The following SMG9 variants were observed in gnomAD, a reference collection of about 807,000 sequenced individuals.
SMG9 encodes the protein nonsense-mediated mRNA decay factor SMG9.
A neutral mutation model predicts 64.0 loss-of-function variants in SMG9; 55 were observed. The ratio of observed to expected loss-of-function variants is 0.86; its 90% confidence interval spans 0.69 to 1.08. The LOEUF (loss-of-function observed/expected upper bound fraction) is 1.08, where lower values mean the gene tolerates loss of function less well. SMG9 is among the 50% of genes least tolerant of loss of function. SMG9 has a pLI of 0.00. For synonymous variants in SMG9, 244 were observed against 254.8 expected (o/e 0.96, Z 0.41); for missense variants, 554 against 681.3 (o/e 0.81, Z 2.08).
intron 1 of SMG9, among the ~76,000 whole-genome samples, chr19:43,751,423 C>T (rs967077503): frequency 3.3e-5 from 5 of 152,252 alleles, no homozygotes; most frequent in African/African-American, 9.6e-5. Context: ...AGGCGTGAGC[C>T]ACCATGCCCG....
chr19:43,732,152 G>C (rs1968507445), intron 13 of SMG9: 1 of 162,350 alleles, frequency 6.2e-6, no homozygotes, highest in Non-Finnish European at 1.3e-5. Context: ...GGGGCTTCCT[G>C]CTGCTTTGTC....
At chr19:43,750,472 A>G in intron 2 of SMG9, 120 bp downstream of exon 2, 1 of 1,157,814 alleles carries the variant, frequency 8.6e-7, no homozygotes, top group South Asian at 1.5e-5. Context: ...TTCTTTATCC[A>G]TGAGGGTGGT....
rs947710868 is a variant in SMG9 at position 43,730,944 on chromosome 19, A to G, written c.*652T>C. The G allele has an allele frequency of 1.2e-5, 2 of 172,480 alleles. No homozygotes were observed. Among genetic ancestry groups the G allele is most frequent in the Non-Finnish European group, 2.3e-5 (2 of 86,556 alleles). 10.7% of individuals were successfully genotyped at this position (172,480 alleles called of 1,614,324 possible). On this transcript the variant is annotated 3_prime_UTR_variant, in exon 14 of 14. Transcript: ENST00000270066. ...AAGTGAGAGCAGAAGACACGAGGGT[A>G]GTTGCTGTACTCAGCTGCACCAGTG... is the stretch of plus-strand genomic sequence containing the variant.
In SMG9 at chr19:43,734,715, G is replaced by T. The variant is rs2146363238; in HGVS notation, c.996-220C>A. 9.4e-6 allele frequency: 4 copies of T among 427,734 alleles called. No individual in the cohort carries two copies. In the South Asian group the frequency reaches 1.9e-4, roughly 21 times the overall value. The allele number at this position is 427,734 out of a possible 1,614,324, so 26.5% of individuals were successfully genotyped here. On this transcript the variant is annotated intron_variant, in intron 9 of 13. Transcript: ENST00000270066. ...ACTGTATAAATTCTTTGAGTTTACT[G>T]TATTTTTTTTTTAAAGGCTATTTTT...
chr19:43,739,826 C>T (rs907817488), intron 7 of SMG9: 4 of 426,224 alleles, frequency 9.4e-6, no homozygotes, highest in African/African-American at 6.0e-5. Context: ...CTGGTAAGAA[C>T]TAACAGACAG....
In SMG9 at chr19:43,729,038, C is replaced by T. The variant is rs1968388582; in HGVS notation, c.*2558G>A. On this transcript the variant is annotated 3_prime_UTR_variant, in exon 14 of 14. Coordinates refer to ENST00000270066, the MANE Select transcript of SMG9 (RefSeq NM_019108.4). ...ACAGTGGCCTGCTGGCAGCATCAGC[C>T]TGAGTCCTCTGCTGGATGTAAAGGG... The T allele has an allele frequency of 2.0e-6, 2 of 985,636 alleles. No homozygotes were observed. The highest frequency in any genetic ancestry group is 1.2e-6 in the Non-Finnish European group (1 of 830,104). The allele number at this position is 985,636 out of a possible 1,614,324, so 61.1% of individuals were successfully genotyped here.
chr19:43,740,057 G>A (rs985057864), intron 7 of SMG9, 50 bp downstream of exon 7: 1 of 1,221,690 alleles, frequency 8.2e-7, no homozygotes. Flanking sequence ...CCAGGAAGAG[G>A]CTCAATGCAG....
chr19:43,750,135 C>T (rs1599659933), intron 2 of SMG9: 1 of 520,946 alleles, frequency 1.9e-6, no homozygotes, highest in Non-Finnish European at 3.8e-6. Context: ...GCCAATTTCA[C>T]TCAGTGAAAT....
intron 2 of SMG9, chr19:43,750,072 A>G (rs1969147341): frequency 2.0e-6 from 1 of 499,068 alleles, no homozygotes; most frequent in Admixed American, 2.0e-5. Context: ...TGTTATTATG[A>G]CATGACCCTT....
At chr19:43,742,238 C>G (rs1251367715) in intron 6 of SMG9, among the ~76,000 whole-genome samples, 2 of 152,264 alleles carry the variant, frequency 1.3e-5, no homozygotes, top group Admixed American at 1.3e-4. Context: ...ATCACGTGAG[C>G]CCAGTCTGGG....
In SMG9 at chr19:43,730,480, G is replaced by A. The variant is rs922855585; in HGVS notation, c.*1116C>T. ...ATTTAACCAACAGAAGGCACTGTCT[G>A]TACGGGTGAGGCATGGTATTTGGAT... On this transcript the variant is annotated 3_prime_UTR_variant, in exon 14 of 14. Coordinates refer to ENST00000270066, the MANE Select transcript of SMG9 (RefSeq NM_019108.4). 6.6e-6 allele frequency: 1 copy of A among 152,102 alleles called. No homozygotes were observed. The highest frequency in any genetic ancestry group is 2.4e-5 in the African/African-American group (1 of 41,404). 9.4% of individuals were successfully genotyped at this position (152,102 alleles called of 1,614,324 possible).
chr19:43,740,036 T>C, intron 7 of SMG9, 71 bp downstream of exon 7: 1 of 1,106,306 alleles, frequency 9.0e-7, no homozygotes, highest in Admixed American at 1.7e-5. Context: ...GGGTTCTGGC[T>C]TAATCACATT....
In SMG9 at chr19:43,750,676, C is replaced by G; in HGVS notation, c.66G>C (p.Glu22Asp). 1 of 1,614,108 alleles carries G rather than the reference C, an allele frequency of 6.2e-7. No individual in the cohort carries two copies. Among genetic ancestry groups the G allele is most frequent in the Non-Finnish European group, 8.5e-7 (1 of 1,180,024 alleles). The change falls in exon 2 of 14, where the codon GAG becomes GAC. Residue 22 changes from glutamate (E) to aspartate (D), a missense_variant. Coordinates refer to ENST00000270066, the MANE Select transcript of SMG9 (RefSeq NM_019108.4). ...GATTCTGGGGGCCACCAGAGCCAGGCTCCTTCCACCGTCGCCGCCGCTCTA... is the reference window on the plus strand; with the variant it reads ...GATTCTGGGGGCCACCAGAGCCAGGGTCCTTCCACCGTCGCCGCCGCTCTA... ...YGIERRRRWK[E>D]PGSGGPQNLS...
chr19:43,733,091 G>GA, intron 12 of SMG9, 89 bp from the exon 13 acceptor site: 1 of 1,478,086 alleles, frequency 6.8e-7, no homozygotes, highest in South Asian at 1.3e-5. Flanking sequence ...AGGAGCACCT[G>GA]AGAGTTCAGC....
chr19:43,753,578 A>G (rs1265696937), intron 1 of SMG9, among the ~76,000 whole-genome samples: 1 of 147,602 alleles, frequency 6.8e-6, no homozygotes, highest in East Asian at 2.0e-4. Context: ...CTCCTGCCTC[A>G]GCCTCCCAAG....
chr19:43,732,648 G>A (rs926627380), intron 13 of SMG9: 1 of 612,994 alleles, frequency 1.6e-6, no homozygotes, highest in Non-Finnish European at 2.8e-6. Context: ...GATGCTGGCT[G>A]ATTAGGAGGA....
intron 7 of SMG9, among the ~76,000 whole-genome samples, chr19:43,738,529 C>T (rs914119322): frequency 6.1e-5 from 9 of 148,672 alleles, no homozygotes; most frequent in East Asian, 2.0e-4. Flanking sequence ...TTGTTTCATA[C>T]GCTTTCAAAA....
rs759315685 is a variant in SMG9 at position 43,744,818 on chromosome 19, T to C, written c.655A>G (p.Met219Val). The C allele has an allele frequency of 1.2e-6, 2 of 1,614,018 alleles. No individual in the cohort carries two copies. The highest frequency in any genetic ancestry group is 3.3e-5 in the Admixed American group (2 of 59,992). ...VLGLQGTGKSMVMSLLSANTP... is the reference protein window; with the variant it reads ...VLGLQGTGKSVVMSLLSANTP... ...TTGGCTGACAACAATGACATGACCA[T>C]GGACTTGCCTGTCCCCTGGAGGCCC... The change falls in exon 6 of 14, where the codon ATG becomes GTG. Residue 219 changes from methionine (M) to valine (V), a missense_variant. Physicochemically the swap from Met to Val is conservative, Grantham distance 21. Transcript: ENST00000270066.
chr19:43,744,066 C>T (rs758989698), intron 6 of SMG9, among the ~76,000 whole-genome samples: 8 of 152,276 alleles, frequency 5.3e-5, no homozygotes, highest in Non-Finnish European at 8.8e-5. Flanking sequence ...CCCCCAGTTT[C>T]GGGACCTGTT....
Sources: gnomAD v4.1 joint callset for allele counts (sites outside exome capture counted in the v4.1 genomes callset) on GRCh38, gnomAD v4.1.1 for gene constraint, MANE v1.5 for transcripts, NCBI Gene and HGNC (gene_info 2026-07-23, HGNC 2026-07-21) for gene names.